The following QSOX2 variants were observed in gnomAD, a reference collection of about 807,000 sequenced individuals.
QSOX2 encodes the protein quiescin sulfhydryl oxidase 2.
QSOX2 carries 46 observed loss-of-function variants against 61.7 expected under a neutral mutation model. The observed-to-expected ratio is 0.75, with a 90% confidence interval of 0.59 to 0.95. The LOEUF is 0.95. Among genes scored for constraint, QSOX2 ranks in the 40% least tolerant of loss-of-function variants. The probability of loss-of-function intolerance (pLI) is 0.00; values close to 1 mark genes in which losing one functional copy is unlikely to be tolerated. For missense variants in QSOX2, 879 were observed against 918.9 expected, an observed-to-expected ratio of 0.96 and a Z score of 0.56; for synonymous variants, 383 against 388.4, an observed-to-expected ratio of 0.99 and a Z score of 0.16.
Position 136,213,692 on chromosome 9 carries a change from T to TA in QSOX2, c.1360+1461_1360+1462insT, listed in dbSNP as rs1831876495. Among the ~76,000 whole-genome samples the TA allele has an allele frequency of 3.9e-5, 6 of 151,998 alleles. No homozygotes were observed. In the South Asian group the frequency reaches 1.2e-3, roughly 32 times the overall value. On this transcript the variant is annotated intron_variant, in intron 10 of 11. Coordinates refer to ENST00000358701, the MANE Select transcript of QSOX2 (RefSeq NM_181701.4). ...CTCCCATTAACAGGTGGAATCTATT[T>TA]CTCTCACCACGAATTTAGGCTGGGT...
rs1212360660 is a variant in QSOX2 at position 136,208,674 on chromosome 9, G to A, written c.*54C>T. 23 of 1,518,200 alleles carry A rather than the reference G, an allele frequency of 1.5e-5. No homozygotes were observed. The highest frequency in any genetic ancestry group is 1.9e-5 in the Non-Finnish European group (22 of 1,132,932). The allele number at this position is 1,518,200 out of a possible 1,614,324, so 94.0% of individuals were successfully genotyped here. On this transcript the variant is annotated 3_prime_UTR_variant, in exon 12 of 12. Coordinates refer to ENST00000358701, the MANE Select transcript of QSOX2 (RefSeq NM_181701.4). ...TAAATATTAAAGCTGCAGGTGGCAC[G>A]GGGCAGGGCTGCCTCCAAGGGAGCT...
In QSOX2 at chr9:136,223,020, C is replaced by T. The variant is rs569782376; in HGVS notation, c.675+743G>A. Among the ~76,000 whole-genome samples, 6 of 152,330 alleles carry T rather than the reference C, an allele frequency of 3.9e-5. No individual in the cohort carries two copies. Among genetic ancestry groups the T allele is most frequent in the South Asian group, 2.1e-4 (1 of 4,828 alleles). ...AGGGCAGCCAGGGCACAAAGCGAGA[C>T]GGTCACAGTGCAGGTGTCTGCAGCT... On this transcript the variant is annotated intron_variant, in intron 5 of 11. Transcript: ENST00000358701. The surrounding 1 kb of genome is among the most constrained non-coding windows in gnomAD (Gnocchi z 4.4).
intron 1 of QSOX2, among the ~76,000 whole-genome samples, chr9:136,229,363 C>T (rs138661158): frequency 1.7e-3 from 253 of 152,388 alleles, no homozygotes; most frequent in African/African-American, 5.8e-3. Context: ...GGGCAGCTCA[C>T]GGGCGGACCC....
chr9:136,223,892 C>T lies in QSOX2; in HGVS notation c.585-39G>A. Reference sequence around the variant, plus strand: ...AAAAAGAGGCTTTTAGTGCCGTCAACAGCAGCGAGTTGGCCACCACATCCC... The same window carrying T: ...AAAAAGAGGCTTTTAGTGCCGTCAATAGCAGCGAGTTGGCCACCACATCCC... On this transcript the variant is annotated intron_variant, in intron 4 of 11. Coordinates refer to ENST00000358701, the MANE Select transcript of QSOX2 (RefSeq NM_181701.4). The surrounding 1 kb of genome is among the most constrained non-coding windows in gnomAD (Gnocchi z 4.4). 2 of 1,600,696 alleles carry T rather than the reference C, an allele frequency of 1.2e-6. No individual in the cohort carries two copies. The highest frequency in any genetic ancestry group is 8.6e-7 in the Non-Finnish European group (1 of 1,168,372).
rs1216287412 is a variant in QSOX2 at position 136,222,405 on chromosome 9, G to A, written c.676-464C>T. Among the ~76,000 whole-genome samples the A allele has an allele frequency of 5.3e-5, 8 of 152,186 alleles. No homozygotes were observed. The highest frequency in any genetic ancestry group is 1.9e-4 in the African/African-American group (8 of 41,440). On this transcript the variant is annotated intron_variant, in intron 5 of 11. Transcript: ENST00000358701. The surrounding 1 kb of genome is among the most constrained non-coding windows in gnomAD (Gnocchi z 6.9). ...TGCTCAGGCTGAAGGGGCAGCAACA[G>A]GGTCTCCGTGGCAGAGAGACCACAG...
In QSOX2 at chr9:136,208,214, C is replaced by G. The variant is rs13340651; in HGVS notation, c.*514G>C. ...CTGCGCTTCCGGCTCTGTCTGTCCC[C>G]GCCCGGCTAAAGGAAAACACTTGGC... is the stretch of plus-strand genomic sequence containing the variant. On this transcript the variant is annotated 3_prime_UTR_variant, in exon 12 of 12. Coordinates refer to ENST00000358701, the MANE Select transcript of QSOX2 (RefSeq NM_181701.4). The G allele has an allele frequency of 7.0e-6, 1 of 142,976 alleles. No individual in the cohort carries two copies. Among genetic ancestry groups the G allele is most frequent in the African/African-American group, 2.6e-5 (1 of 38,572 alleles). 8.9% of individuals were successfully genotyped at this position (142,976 alleles called of 1,614,324 possible).
chr9:136,236,251 G>C (rs1442364442), intron 1 of QSOX2, among the ~76,000 whole-genome samples: 1 of 152,256 alleles, frequency 6.6e-6, no homozygotes, highest in African/African-American at 2.4e-5. Context: ...CCGGAGACAG[G>C]ACTGGCTGCT....
chr9:136,214,739 C>T (rs555682692), intron 10 of QSOX2, among the ~76,000 whole-genome samples: 68 of 152,344 alleles, frequency 4.5e-4, no homozygotes, highest in Admixed American at 3.5e-3. Context: ...AGCTCATAAC[C>T]GTGCGTGGTT....
chr9:136,226,384 G>A (rs1830281064), intron 2 of QSOX2, among the ~76,000 whole-genome samples: 3 of 152,192 alleles, frequency 2.0e-5, no homozygotes, highest in Admixed American at 2.0e-4. Context: ...GTGTGTGCAT[G>A]AGTGTGCATG....
intron 9 of QSOX2, among the ~76,000 whole-genome samples, chr9:136,215,757 C>A (rs1243427618): frequency 6.6e-6 from 1 of 152,222 alleles, no homozygotes; most frequent in African/African-American, 2.4e-5. Flanking sequence ...TGGGTGACTG[C>A]TGGACTGGGA....
At chr9:136,239,766 T>C (rs1830419796) in intron 1 of QSOX2, among the ~76,000 whole-genome samples, 1 of 152,170 alleles carries the variant, frequency 6.6e-6, no homozygotes. Flanking sequence ...CTTGAAAGAA[T>C]GCCAGGCCGT....
chr9:136,211,549 T>G, intron 10 of QSOX2, 97 bp from the exon 11 acceptor site: 1 of 1,271,952 alleles, frequency 7.9e-7, no homozygotes, highest in South Asian at 1.4e-5. Flanking sequence ...GCTCCTGACA[T>G]GTCGGGAAGC....
At chr9:136,213,047 C>T (rs887894802) in intron 10 of QSOX2, among the ~76,000 whole-genome samples, 6 of 152,090 alleles carry the variant, frequency 3.9e-5, no homozygotes, top group Admixed American at 2.6e-4. Context: ...ATACCCCGGT[C>T]ACTCAACTTC....
chr9:136,215,209 C>G lies in QSOX2; in HGVS notation c.1305G>C (p.Leu435=). The G allele has an allele frequency of 6.2e-7, 1 of 1,614,114 alleles. No homozygotes were observed. The highest frequency in any genetic ancestry group is 1.1e-5 in the South Asian group (1 of 91,082). Residue 435 remains leucine, a synonymous_variant, in exon 10 of 12, where the codon CTG becomes CTC. Transcript: ENST00000358701. ...LRGYPCSLWK[L]FHTLTVEAST... ...AGGCTTCAACAGTCAAAGTGTGGAA[C>G]AGTTTCCAGAGAGAACACGGGTAAC...
In QSOX2 at chr9:136,224,911, T is replaced by A. The variant is rs1402410857; in HGVS notation, c.430-2A>T. On this transcript the variant is annotated splice_acceptor_variant, in intron 2 of 11. Coordinates refer to ENST00000358701, the MANE Select transcript of QSOX2 (RefSeq NM_181701.4). LOFTEE classifies it high-confidence loss of function. ...CTCCTTTGTAAATGCTTTAAAATACTAAGAGGAAAAACACAGAACAAGTAA... is the reference window on the plus strand; with the variant it reads ...CTCCTTTGTAAATGCTTTAAAATACAAAGAGGAAAAACACAGAACAAGTAA... 1 of 1,603,754 alleles carries A rather than the reference T, an allele frequency of 6.2e-7. No individual in the cohort carries two copies. Among genetic ancestry groups the A allele is most frequent in the Non-Finnish European group, 8.5e-7 (1 of 1,174,344 alleles).
chr9:136,213,243 GTT>G (rs398046934), intron 10 of QSOX2, among the ~76,000 whole-genome samples: 24,956 of 110,540 alleles, frequency 0.23, 2,132 homozygotes, highest in Non-Finnish European at 0.28. Flanking sequence ...GTTTTGTTGT[GTT>G]TTTTTTTTTT....
rs1453042528 is a variant in QSOX2, at chr9:136,221,264, T to C, written c.821+532A>G. Among the ~76,000 whole-genome samples the C allele has an allele frequency of 6.6e-6, 1 of 150,494 alleles. No homozygotes were observed. Among genetic ancestry groups the C allele is most frequent in the Non-Finnish European group, 1.5e-5 (1 of 67,620 alleles). On this transcript the variant is annotated intron_variant, in intron 6 of 11. Transcript: ENST00000358701. This position sits in a 1 kb window ranked among gnomAD's most constrained non-coding sequence, Gnocchi z 4.5. The stretch of plus-strand genomic sequence containing the variant: ...CGCAGGGGCGAAGGGCTTATCCTCA[T>C]GAGGGGCACACGGGCACCCCACGCA...
At position 136,208,934 on chromosome 9, in the gene QSOX2, C is replaced by A; in HGVS notation, c.1891G>T (p.Gly631Trp). The part of the protein sequence containing the change: ...LPESLHHSLD[G>W]KLQSLDGPGA... The stretch of plus-strand genomic sequence containing the variant: ...GGCCCATCCAGACTCTGGAGTTTCC[C>A]GTCCAAGCTGTGATGCAAGCTCTCT... Residue 631 changes from glycine to tryptophan, a missense_variant, in exon 12 of 12, where the codon GGG becomes TGG. By Grantham distance (184) the Gly-to-Trp change is radical. Coordinates refer to ENST00000358701, the MANE Select transcript of QSOX2 (RefSeq NM_181701.4). The A allele has an allele frequency of 6.2e-7, 1 of 1,613,742 alleles. No homozygotes were observed. The highest frequency in any genetic ancestry group is 8.5e-7 in the Non-Finnish European group (1 of 1,179,858).
intron 1 of QSOX2, among the ~76,000 whole-genome samples, chr9:136,244,058 A>G (rs1005327318): frequency 1.4e-5 from 2 of 145,178 alleles, no homozygotes; most frequent in Non-Finnish European, 3.0e-5. Context: ...GACTCAACTG[A>G]AAAAAAAAAA....
Sources: allele counts gnomAD v4.1 joint callset (sites outside exome capture counted in the v4.1 genomes callset), GRCh38; gene constraint gnomAD v4.1.1; non-coding constraint Gnocchi (gnomAD v3.1); transcripts MANE v1.5; gene names NCBI Gene and HGNC (gene_info 2026-07-23, HGNC 2026-07-21).